Variants in B3GALNT2 observed in about 807,000 individuals in gnomAD.
The protein encoded by B3GALNT2 is beta-1,3-N-acetylgalactosaminyltransferase 2.
A neutral mutation model predicts 61.1 loss-of-function variants in B3GALNT2; 53 were observed. The observed-to-expected ratio is 0.87, with a 90% CI of 0.70 to 1.09. The LOEUF is 1.09. Among genes scored for constraint, B3GALNT2 ranks in the 50% least tolerant of loss-of-function variants. The probability of loss-of-function intolerance (pLI) is 0.00; values close to 1 mark genes in which losing one functional copy is unlikely to be tolerated. For synonymous variants in B3GALNT2, 223 were observed against 237.4 expected (o/e 0.94, Z 0.56); for missense variants, 544 against 623.0 (o/e 0.87, Z 1.35).
chr1:235,470,989 A>G (rs948850097), intron 5 of B3GALNT2, 29 bp from the exon 6 acceptor site: 1 of 1,609,812 alleles, frequency 6.2e-7, no homozygotes, highest in Non-Finnish European at 8.5e-7. Context: ...TAGTGAGTCA[A>G]TTTCCTTATT....
Position 235,504,409 on chromosome 1 carries a change from G to A in B3GALNT2, c.-157C>T, listed in dbSNP as rs1462961813. ...GTCTGGGGGGCTCCTCGCAGCTCCCGGCCCCGCTCCTCCGGTCCCTCAGAC... is the reference window on the plus strand; with the variant it reads ...GTCTGGGGGGCTCCTCGCAGCTCCCAGCCCCGCTCCTCCGGTCCCTCAGAC... On this transcript the variant is annotated 5_prime_UTR_variant, in exon 1 of 12. Coordinates refer to ENST00000366600, the MANE Select transcript of B3GALNT2 (RefSeq NM_152490.5). 4 of 771,004 alleles carry A rather than the reference G, an allele frequency of 5.2e-6. No individual in the cohort carries two copies. The South Asian group carries it at 7.2e-5, about 14-fold the overall frequency. 47.8% of individuals were successfully genotyped at this position (771,004 alleles called of 1,614,324 possible). A position where few individuals can be genotyped will look rare whatever the true frequency, so the allele number is the denominator to read the frequency against.
chr1:235,453,138 A>G lies in B3GALNT2; in HGVS notation c.1320T>C (p.Asp440=). 3 of 1,612,218 alleles carry G rather than the reference A, an allele frequency of 1.9e-6. No homozygotes were observed. The highest frequency in any genetic ancestry group is 2.5e-6 in the Non-Finnish European group (3 of 1,178,256). The part of the protein sequence containing the change: ...SGRLKTYQGE[D]VSMGIWMAAI... ...CAGCCATCCAGATGCCCATGCTTACATCTTCACCCTATACATGGCCCATAA... is the reference window on the plus strand; with the variant it reads ...CAGCCATCCAGATGCCCATGCTTACGTCTTCACCCTATACATGGCCCATAA... Residue 440 remains aspartate, a synonymous_variant, in exon 11 of 12, where the codon GAT becomes GAC. Coordinates refer to ENST00000366600, the MANE Select transcript of B3GALNT2 (RefSeq NM_152490.5).
At chr1:235,455,167 G>A (rs189929131) in intron 9 of B3GALNT2, among the ~76,000 whole-genome samples, 51 of 152,190 alleles carry the variant, frequency 3.4e-4, no homozygotes, top group African/African-American at 1.0e-3. Context: ...TGTTGCCCAG[G>A]CTGGAGTGCA....
Position 235,448,776 on chromosome 1 carries a change from A to AAAT in B3GALNT2, c.*1427_*1429dup. ...GTGCGATGGTGACAACCAACTAATA[A>AAAT]AATTTAAAGACCACACTGCTTATCG... On this transcript the variant is annotated 3_prime_UTR_variant, in exon 12 of 12. Transcript: ENST00000366600. The AAAT allele has an allele frequency of 6.4e-7, 1 of 1,557,826 alleles. No individual in the cohort carries two copies. The highest frequency in any genetic ancestry group is 8.9e-7 in the Non-Finnish European group (1 of 1,129,238).
intron 5 of B3GALNT2, chr1:235,479,843 G>A: frequency 3.4e-6 from 2 of 592,550 alleles, no homozygotes; most frequent in Non-Finnish European, 5.2e-6. Flanking sequence ...TTTTCAAAAA[G>A]TGGTTTTGGA....
intron 6 of B3GALNT2, 88 bp from the exon 7 acceptor site, chr1:235,465,802 G>T: frequency 6.8e-7 from 1 of 1,477,308 alleles, no homozygotes; most frequent in South Asian, 1.2e-5. Flanking sequence ...ATCATAATAT[G>T]ACTCCACTTG....
chr1:235,503,906 G>C (rs1490340868), intron 1 of B3GALNT2, among the ~76,000 whole-genome samples: 9 of 152,222 alleles, frequency 5.9e-5, no homozygotes, highest in Non-Finnish European at 1.0e-4. Context: ...CCGGCTCTGC[G>C]GGCGTTAAGG....
chr1:235,474,966 TA>T (rs1684178342), intron 5 of B3GALNT2, among the ~76,000 whole-genome samples: 7 of 25,934 alleles, frequency 2.7e-4, no homozygotes, highest in South Asian at 1.3e-3. Context: ...TATATATATA[TA>T]TATATATATA....
At chr1:235,489,957 T>A (rs183074096) in intron 2 of B3GALNT2, among the ~76,000 whole-genome samples, 275 of 152,290 alleles carry the variant, frequency 1.8e-3, no homozygotes, top group Non-Finnish European at 3.1e-3. Context: ...GCTAAATCAA[T>A]AGACACTCTT....
At chr1:235,458,929 G>T (rs796990604) in intron 7 of B3GALNT2, 143 bp from the exon 8 acceptor site, 1 of 747,320 alleles carries the variant, frequency 1.3e-6, no homozygotes, top group African/African-American at 1.8e-5. Context: ...AGAAAAATGG[G>T]AACTCTCATA....
At chr1:235,446,082 T>C (rs1682251816), downstream of B3GALNT2, among the ~76,000 whole-genome samples, 1 of 152,184 alleles carries the variant, frequency 6.6e-6, no homozygotes, top group South Asian at 2.1e-4. Context: ...GGGCAGTGTA[T>C]GGCTAGAGGA....
chr1:235,471,951 C>A (rs560485974), intron 5 of B3GALNT2, among the ~76,000 whole-genome samples: 2 of 150,996 alleles, frequency 1.3e-5, no homozygotes, highest in South Asian at 2.1e-4. Flanking sequence ...GCATGAGCCA[C>A]GGCGCCCTGC....
chr1:235,461,316 G>A (rs900458021), intron 7 of B3GALNT2, among the ~76,000 whole-genome samples: 1 of 152,146 alleles, frequency 6.6e-6, no homozygotes, highest in Non-Finnish European at 1.5e-5. Context: ...GGGAATGCTT[G>A]CTGAAATGCA....
chr1:235,452,634 G>A (rs1682978526), intron 11 of B3GALNT2, among the ~76,000 whole-genome samples: 1 of 150,878 alleles, frequency 6.6e-6, no homozygotes, highest in Non-Finnish European at 1.5e-5. Flanking sequence ...CTGCACCCTC[G>A]ACCTCCCAGG....
intron 7 of B3GALNT2, among the ~76,000 whole-genome samples, chr1:235,462,302 T>C (rs751280317): frequency 3.0e-4 from 45 of 152,264 alleles, no homozygotes; most frequent in Non-Finnish European, 4.4e-4. Flanking sequence ...TGAGCATAAA[T>C]TAATATGTCA....
chr1:235,494,574 A>G, intron 2 of B3GALNT2, 107 bp downstream of exon 2: 1 of 1,232,810 alleles, frequency 8.1e-7, no homozygotes, highest in Non-Finnish European at 1.1e-6. Flanking sequence ...CTTCCACCTC[A>G]GCCTCCCCGG....
chr1:235,446,200 G>A (rs1351041468), downstream of B3GALNT2, among the ~76,000 whole-genome samples: 1 of 151,480 alleles, frequency 6.6e-6, no homozygotes, highest in Admixed American at 6.6e-5. Flanking sequence ...TTTTGAGACG[G>A]AGTCTCATTC....
chr1:235,440,005 CTG>C, the B3GALNT2 span, among the ~76,000 whole-genome samples: 1 of 151,964 alleles, frequency 6.6e-6, no homozygotes, highest in African/African-American at 2.4e-5. Flanking sequence ...GAGCCTCGCT[CTG>C]TCGCCCAGGC....
At chr1:235,492,519 A>C (rs1222124968) in intron 2 of B3GALNT2, among the ~76,000 whole-genome samples, 2 of 152,236 alleles carry the variant, frequency 1.3e-5, no homozygotes, top group Non-Finnish European at 2.9e-5. Flanking sequence ...GTTCTGAGTC[A>C]TTCATTCAAT....
Sources: allele counts gnomAD v4.1 joint callset (sites outside exome capture counted in the v4.1 genomes callset), GRCh38; gene constraint gnomAD v4.1.1; transcripts MANE v1.5; gene names NCBI Gene and HGNC (gene_info 2026-07-23, HGNC 2026-07-21).